TMEM272: variants seen among roughly 807,000 people sequenced by gnomAD.
TMEM272 encodes long intergenic non-protein coding RNA 282.
In TMEM272, 8 loss-of-function variants were observed where a neutral mutation model predicts 3.7. The observed-to-expected ratio is 2.17, with a 90% CI of 1.27 to 3.91. TMEM272 has a LOEUF of 3.91. Among genes scored for constraint, TMEM272 ranks in the 30% most tolerant of loss-of-function variants. The pLI is 0.00. For missense variants in TMEM272, 166 were observed against 91.5 expected, an observed-to-expected ratio of 1.81 and a Z score of -3.32; for synonymous variants, 63 against 39.8, an observed-to-expected ratio of 1.58 and a Z score of -2.20.
the TMEM272 span, chr13:51,921,254 C>T: frequency 0.023 from 3,480 of 152,318 alleles, 58 homozygotes; most frequent in Middle Eastern, 0.054. Flanking sequence ...AGCAGACGTT[C>T]GGATATCTAG....
At chr13:51,869,205 G>GA in the TMEM272 span, among the ~76,000 whole-genome samples, 1 of 152,180 alleles carries the variant, frequency 6.6e-6, no homozygotes, top group Admixed American at 6.5e-5. Context: ...CTGTGGTAAG[G>GA]AGTGGAGCTG....
chr13:51,847,226 C>CT (rs1566360451), upstream of TMEM272, among the ~76,000 whole-genome samples: 1 of 152,152 alleles, frequency 6.6e-6, no homozygotes, highest in East Asian at 1.9e-4. Flanking sequence ...GGTCCCTAGC[C>CT]TTTTAGGAAC....
At chr13:51,826,371 C>A (rs188367404) in intron 3 of TMEM272, among the ~76,000 whole-genome samples, 195 bp downstream of exon 3, 2 of 152,256 alleles carry the variant, frequency 1.3e-5, no homozygotes, top group Admixed American at 1.3e-4. Flanking sequence ...ACTGATATCT[C>A]CCAGGGCGGG....
intron 1 of TMEM272, among the ~76,000 whole-genome samples, chr13:51,841,694 C>A (rs928330686): frequency 1.3e-5 from 2 of 152,182 alleles, no homozygotes; most frequent in African/African-American, 2.4e-5. Flanking sequence ...ACAGTGATAT[C>A]TTTATTGATA....
At chr13:51,850,831 A>G in the TMEM272 span, among the ~76,000 whole-genome samples, 1 of 152,232 alleles carries the variant, frequency 6.6e-6, no homozygotes, top group East Asian at 1.9e-4. Context: ...TTGTCATACA[A>G]TAGAAAGAAA....
the TMEM272 span, among the ~76,000 whole-genome samples, chr13:51,888,620 C>A: frequency 6.9e-6 from 1 of 145,982 alleles, no homozygotes; most frequent in African/African-American, 2.5e-5. Flanking sequence ...TTAATTAATC[C>A]TTTTTCTTTT....
chr13:51,840,743 A>G (rs1019275012), intron 1 of TMEM272, among the ~76,000 whole-genome samples: 1 of 152,184 alleles, frequency 6.6e-6, no homozygotes, highest in South Asian at 2.1e-4. Context: ...AATTCTATGA[A>G]CTACTATTCA....
intron 2 of TMEM272, among the ~76,000 whole-genome samples, chr13:51,835,787 T>C (rs1956212219): frequency 2.0e-5 from 3 of 152,250 alleles, no homozygotes; most frequent in Admixed American, 1.3e-4. Context: ...AACATTCAGA[T>C]ACTTGCCACT....
the TMEM272 span, among the ~76,000 whole-genome samples, chr13:51,905,335 C>A: frequency 6.6e-6 from 1 of 152,340 alleles, no homozygotes; most frequent in East Asian, 1.9e-4. Context: ...CCTGCTGTCA[C>A]CACCTCGGAC....
chr13:51,874,830 C>T, the TMEM272 span, among the ~76,000 whole-genome samples: 8,999 of 152,254 alleles, frequency 0.059, 329 homozygotes, highest in Middle Eastern at 0.099. Context: ...TGTTTTATGG[C>T]TGCGCTGTCT....
At chr13:51,931,698 A>C in the TMEM272 span, among the ~76,000 whole-genome samples, 1 of 152,294 alleles carries the variant, frequency 6.6e-6, no homozygotes, top group African/African-American at 2.4e-5. Context: ...CTAAGGTGGT[A>C]TCACCCTCAC....
chr13:51,921,889 A>G, the TMEM272 span, among the ~76,000 whole-genome samples: 1 of 152,080 alleles, frequency 6.6e-6, no homozygotes, highest in South Asian at 2.1e-4. Flanking sequence ...TCTCATCAGT[A>G]TCCCTCCCCA....
chr13:51,924,072 T>C, the TMEM272 span, among the ~76,000 whole-genome samples: 2 of 152,180 alleles, frequency 1.3e-5, no homozygotes, highest in Non-Finnish European at 2.9e-5. Context: ...TGATCAATTT[T>C]GAAAACCACG....
At chr13:51,857,832 T>C in the TMEM272 span, among the ~76,000 whole-genome samples, 6 of 151,902 alleles carry the variant, frequency 3.9e-5, no homozygotes, top group Non-Finnish European at 8.8e-5. Context: ...TGTATTACAG[T>C]AGAAAAAACA....
chr13:51,881,697 C>T, the TMEM272 span, among the ~76,000 whole-genome samples: 1 of 152,044 alleles, frequency 6.6e-6, no homozygotes. Context: ...ATTAAGGAGG[C>T]CCCAGAGAGC....
chr13:51,838,643 C>T (rs1956235984), intron 1 of TMEM272, 90 bp from the exon 2 acceptor site: 1 of 695,634 alleles, frequency 1.4e-6, no homozygotes, highest in Non-Finnish European at 2.6e-6. Flanking sequence ...TCAGTGGTGG[C>T]CTGCAGGGTG....
At chr13:51,876,505 TACTC>T in the TMEM272 span, among the ~76,000 whole-genome samples, 4 of 152,276 alleles carry the variant, frequency 2.6e-5, no homozygotes, top group African/African-American at 9.6e-5. Context: ...CCTTGGTTAA[TACTC>T]AGTTAACTTC....
At chr13:51,924,576 G>T in the TMEM272 span, among the ~76,000 whole-genome samples, 1 of 152,046 alleles carries the variant, frequency 6.6e-6, no homozygotes, top group Non-Finnish European at 1.5e-5. Context: ...TCAGAGAATG[G>T]GGCAGAGAGG....
At chr13:51,865,549 T>C in the TMEM272 span, 1 of 1,614,048 alleles carries the variant, frequency 6.2e-7, no homozygotes, top group South Asian at 1.1e-5. Context: ...AGATGAAAAT[T>C]TTTCGTGAAA....
Sources: allele counts gnomAD v4.1 joint callset (sites outside exome capture counted in the v4.1 genomes callset), GRCh38; gene constraint gnomAD v4.1.1; transcripts MANE v1.5; gene names NCBI Gene and HGNC (gene_info 2026-07-23, HGNC 2026-07-21).